The following ITPR3 variants were observed in gnomAD, a reference collection of about 807,000 sequenced individuals.
The protein encoded by ITPR3 is inositol 1,4,5-trisphosphate-gated calcium channel ITPR3.
ITPR3 carries 173 observed loss-of-function variants against 293.2 expected under a neutral mutation model. The observed-to-expected ratio is 0.59, with a 90% CI of 0.52 to 0.67. The LOEUF (loss-of-function observed/expected upper bound fraction) is 0.67. ITPR3 is among the 30% of genes least tolerant of loss of function. The pLI, the probability that ITPR3 is intolerant of heterozygous loss-of-function variation, is 0.00. For missense variants in ITPR3, 2,796 were observed against 3,592.1 expected, an observed-to-expected ratio of 0.78 and a Z score of 5.66; for synonymous variants, 1,295 against 1,444.4, an observed-to-expected ratio of 0.90 and a Z score of 2.35.
intron 2 of ITPR3, among the ~76,000 whole-genome samples, chr6:33,641,596 C>G (rs375829763): frequency 2.0e-5 from 3 of 152,010 alleles, no homozygotes; most frequent in East Asian, 3.9e-4. Context: ...TGCCCTGGCC[C>G]TGGACGAACC....
chr6:33,663,594 TGGGGGTAGGCG>T (rs1764533485), intron 10 of ITPR3, 44 bp downstream of exon 10: 3 of 1,597,740 alleles, frequency 1.9e-6, no homozygotes, highest in Non-Finnish European at 2.6e-6. Flanking sequence ...GGGCCTGCCC[TGGGGGTAGGCG>T]GGGGCAGGGG....
At chr6:33,673,549 G>A (rs368165423) in intron 22 of ITPR3, 42 bp from the exon 23 acceptor site, 6 of 1,610,468 alleles carry the variant, frequency 3.7e-6, no homozygotes, top group Non-Finnish European at 4.2e-6. Context: ...CCTCAGATCA[G>A]TCCTCACCCC....
Position 33,657,901 on chromosome 6 carries a change from C to T in ITPR3, c.283-31C>T, listed in dbSNP as rs766254344. On this transcript the variant is annotated intron_variant, in intron 3 of 57. Coordinates refer to ENST00000605930, the MANE Select transcript of ITPR3 (RefSeq NM_002224.4). ...CTTCCTCTAGGAGCAGCTTCTGAGC[C>T]CACCCTTCACTTCTGTGTGTGTCTG... 4 of 1,604,164 alleles carry T rather than the reference C, an allele frequency of 2.5e-6. No homozygotes were observed. In the Admixed American group the frequency reaches 6.7e-5, roughly 27 times the overall value.
At chr6:33,626,402 T>C (rs1763551006) in intron 1 of ITPR3, among the ~76,000 whole-genome samples, 1 of 152,188 alleles carries the variant, frequency 6.6e-6, no homozygotes, top group African/African-American at 2.4e-5. Context: ...TCTCTAGGGC[T>C]AAGGTCTGGG....
intron 2 of ITPR3, among the ~76,000 whole-genome samples, chr6:33,641,355 C>A (rs984425614): frequency 2.5e-4 from 38 of 152,236 alleles, no homozygotes; most frequent in African/African-American, 7.5e-4. Flanking sequence ...AGTCTGCCCG[C>A]GTGGCTGCTC....
At chr6:33,627,754 A>T (rs1465617835) in intron 1 of ITPR3, among the ~76,000 whole-genome samples, 1 of 152,196 alleles carries the variant, frequency 6.6e-6, no homozygotes, top group African/African-American at 2.4e-5. Context: ...GACATGATTC[A>T]TGTCATGTGT....
rs574852310 is a variant in ITPR3 at position 33,625,770 on chromosome 6, C to T, written c.89+4079C>T. The stretch of plus-strand genomic sequence containing the variant: ...TCTTACCCATGGGATTCTCTGTCTA[C>T]CTGCCAGCCTGACCTGCTTCCCTGG... On this transcript the variant is annotated intron_variant, in intron 1 of 57. Transcript: ENST00000605930. Among the ~76,000 whole-genome samples, 326 of 152,232 alleles carry T rather than the reference C, an allele frequency of 2.1e-3. 1 individual carries two copies. The highest frequency in any genetic ancestry group is 3.4e-3 in the Middle Eastern group (1 of 294).
chr6:33,680,303 C>T (rs1250747785), intron 31 of ITPR3, 26 bp from the exon 32 acceptor site: 1 of 1,605,322 alleles, frequency 6.2e-7, no homozygotes, highest in Non-Finnish European at 8.5e-7. Context: ...CCTGCTTGCG[C>T]CCCTGACCTC....
chr6:33,671,996 C>T (rs959450851), intron 21 of ITPR3, 33 bp from the exon 22 acceptor site: 4 of 1,569,294 alleles, frequency 2.5e-6, no homozygotes, highest in Non-Finnish European at 3.5e-6. Flanking sequence ...TCTACAACCT[C>T]CTTGGCAACC....
In ITPR3 at chr6:33,684,077, G is replaced by A. The variant is rs753819461; in HGVS notation, c.4846G>A (p.Val1616Met). Residue 1616 changes from valine to methionine, a missense_variant, in exon 36 of 58, where the codon GTG becomes ATG. Physicochemically the swap from Val to Met is conservative, Grantham distance 21. Coordinates refer to ENST00000605930, the MANE Select transcript of ITPR3 (RefSeq NM_002224.4). This position sits in a 1 kb window ranked among gnomAD's most constrained non-coding sequence, Gnocchi z 4.2. The part of the protein sequence containing the change: ...LKPLVQAELS[V>M]LVDVLHWPEL... The stretch of plus-strand genomic sequence containing the variant: ...GCCCCTGGTACAGGCTGAGCTGTCC[G>A]TGCTGGTGGATGTCCTGCACTGGCC... 16 of 1,611,528 alleles carry A rather than the reference G, an allele frequency of 9.9e-6. No homozygotes were observed. Among genetic ancestry groups the A allele is most frequent in the Middle Eastern group, 2.1e-4 (1 of 4,870 alleles).
intron 2 of ITPR3, among the ~76,000 whole-genome samples, chr6:33,653,769 G>A (rs1252813695): frequency 2.0e-5 from 3 of 152,144 alleles, no homozygotes; most frequent in Non-Finnish European, 2.9e-5. Context: ...ACAATTGGTG[G>A]TACAACCCAA....
At chr6:33,659,383 G>A in intron 6 of ITPR3, 83 bp from the exon 7 acceptor site, 5 of 1,269,798 alleles carry the variant, frequency 3.9e-6, no homozygotes, top group Non-Finnish European at 5.7e-6. Context: ...TGGTGGCTGG[G>A]CTGCTTCTTC....
At position 33,678,704 on chromosome 6, in the gene ITPR3, C is replaced by T. The variant is rs529663156; in HGVS notation, c.3837C>T (p.Ser1279=). 461 of 1,612,992 alleles carry T rather than the reference C, an allele frequency of 2.9e-4. 3 individuals are homozygous for T. The South Asian group carries it at 4.7e-3, about 16-fold the overall frequency. Residue 1279 remains serine, a synonymous_variant, in exon 30 of 58, where the codon AGC becomes AGT. Transcript: ENST00000605930. ...ACTATCAGCTCTGCTCCGAGATCAG[C>T]GAGCCTGTGTTGCAGCACTTCGTGC... ...LNNYQLCSEI[S]EPVLQHFVHL...
At chr6:33,685,278 A>G in intron 39 of ITPR3, 81 bp from the exon 40 acceptor site, 1 of 1,358,476 alleles carries the variant, frequency 7.4e-7, no homozygotes, top group Admixed American at 1.9e-5. Context: ...CGGCCCCAGC[A>G]GTGTGGTGTG....
chr6:33,648,313 G>T (rs1764114802), intron 2 of ITPR3, among the ~76,000 whole-genome samples: 1 of 151,936 alleles, frequency 6.6e-6, no homozygotes, highest in African/African-American at 2.4e-5. Context: ...CAATCCTCTT[G>T]CCTTGGTCTC....
chr6:33,667,704 C>T lies in ITPR3; in HGVS notation c.1714-88C>T, dbSNP rs915399596. The T allele has an allele frequency of 7.1e-5, 104 of 1,461,778 alleles. No individual in the cohort carries two copies. Among genetic ancestry groups the T allele is most frequent in the Middle Eastern group, 1.8e-4 (1 of 5,668 alleles). 90.6% of individuals were successfully genotyped at this position (1,461,778 alleles called of 1,614,324 possible). On this transcript the variant is annotated intron_variant, in intron 15 of 57. Transcript: ENST00000605930. The surrounding 1 kb of genome is among the most constrained non-coding windows in gnomAD (Gnocchi z 4.4). ...TTTCTAGGGTATTGGGTCCTTACCT[C>T]GGGGTTTGGGGGCAGCGTTCCAGAG...
In ITPR3 at chr6:33,674,244, C is replaced by G; in HGVS notation, c.3095C>G (p.Ala1032Gly). 6.2e-7 allele frequency: 1 copy of G among 1,614,036 alleles called. No individual in the cohort carries two copies. Among genetic ancestry groups the G allele is most frequent in the Non-Finnish European group, 8.5e-7 (1 of 1,179,968 alleles). Residue 1032 changes from alanine (A) to glycine (G), a missense_variant, in exon 24 of 58, where the codon GCG becomes GGG. Physicochemically the swap from Ala to Gly is moderately conservative, Grantham distance 60. Coordinates refer to ENST00000605930, the MANE Select transcript of ITPR3 (RefSeq NM_002224.4). ...AACCTGGATCGCATCGGGGAGCAGG[C>G]GGAGGCCATGTTTGGAGTGGGGTGA... Reference protein sequence around the residue: ...NMNLDRIGEQAEAMFGVGKTS... With the variant: ...NMNLDRIGEQGEAMFGVGKTS...
In ITPR3 at chr6:33,660,789, C is replaced by T. The variant is rs368309061; in HGVS notation, c.711+1240C>T. Among the ~76,000 whole-genome samples the T allele has an allele frequency of 4.7e-4, 72 of 152,128 alleles. 2 individuals are homozygous for T. The South Asian group carries it at 0.012, about 25-fold the overall frequency. ...ACTAAAAATACAAAAATTAGCCAGG[C>T]GTGGCAGTGGGCACCTGTAGTCCCA... On this transcript the variant is annotated intron_variant, in intron 7 of 57. Transcript: ENST00000605930.
In ITPR3 at chr6:33,695,948, G is replaced by A. The variant is rs1046344011; in HGVS notation, c.*168G>A. On this transcript the variant is annotated 3_prime_UTR_variant, in exon 58 of 58. Transcript: ENST00000605930. ...CCAGGCTTTGAAGAGCATGGAGGGG[G>A]AGCCTCAGAGCTGACAGTCCTGCTT... 1.8e-5 allele frequency: 11 copies of A among 624,756 alleles called. No individual in the cohort carries two copies. The highest frequency in any genetic ancestry group is 2.8e-5 in the Non-Finnish European group (10 of 351,864). The allele number at this position is 624,756 out of a possible 1,614,324, so 38.7% of individuals were successfully genotyped here.
Sources: allele counts gnomAD v4.1 joint callset (sites outside exome capture counted in the v4.1 genomes callset), GRCh38; gene constraint gnomAD v4.1.1; non-coding constraint Gnocchi (gnomAD v3.1); transcripts MANE v1.5; gene names NCBI Gene and HGNC (gene_info 2026-07-23, HGNC 2026-07-21).